TMEM63A: variants seen among roughly 807,000 people sequenced by gnomAD.
The protein encoded by TMEM63A is mechanosensitive cation channel TMEM63A.
A neutral mutation model predicts 100.6 loss-of-function variants in TMEM63A; 76 were observed. The ratio of observed to expected loss-of-function variants is 0.76; its 90% CI spans 0.63 to 0.91. TMEM63A has a LOEUF of 0.91. Among genes scored for constraint, TMEM63A ranks in the 40% least tolerant of loss-of-function variants. TMEM63A has a pLI of 0.00. For synonymous variants in TMEM63A, 401 were observed against 401.1 expected (o/e 1.00, Z 0.00); for missense variants, 876 against 1,008.8 (o/e 0.87, Z 1.78).
At chr1:225,880,101 G>C (rs1193690490) in intron 1 of TMEM63A, among the ~76,000 whole-genome samples, 1 of 152,118 alleles carries the variant, frequency 6.6e-6, no homozygotes, top group African/African-American at 2.4e-5. Flanking sequence ...TTCCCAGGGT[G>C]GTTTGACAAA....
chr1:225,856,327 GTTTTTT>G (rs71574544), intron 17 of TMEM63A, among the ~76,000 whole-genome samples: 1 of 108,052 alleles, frequency 9.3e-6, no homozygotes, highest in African/African-American at 3.6e-5. Context: ...TTTCAAGCTG[GTTTTTT>G]TTTTTTTTTT....
Position 225,862,284 on chromosome 1 carries a change from C to T in TMEM63A, c.1019G>A (p.Arg340His), listed in dbSNP as rs1238341255. 10 of 1,614,026 alleles carry T rather than the reference C, an allele frequency of 6.2e-6. No homozygotes were observed. In the African/African-American group the frequency reaches 6.7e-5, roughly 11 times the overall value. ...TCCCAGGGGCTGGTCCTGGACGTGG[C>T]GTTCTTCCTCTGTGATCCTCTCCAG... ...RLLERITEEE[R>H]HVQDQPLGMA... Residue 340 changes from arginine to histidine, a missense_variant, in exon 13 of 25, where the codon CGC (arginine) becomes CAC (histidine). Physicochemically the swap from Arg to His is conservative, Grantham distance 29. Transcript: ENST00000366835. The surrounding 1 kb of genome is among the most constrained non-coding windows in gnomAD (Gnocchi z 5.1).
downstream of TMEM63A, among the ~76,000 whole-genome samples, chr1:225,842,205 C>T (rs141484386): frequency 2.0e-5 from 3 of 152,330 alleles, no homozygotes; most frequent in African/African-American, 4.8e-5. Flanking sequence ...GTTAAGGAAG[C>T]GAGGCATGTG....
intron 3 of TMEM63A, among the ~76,000 whole-genome samples, chr1:225,874,611 C>T (rs940662182): frequency 1.3e-5 from 2 of 152,250 alleles, no homozygotes; most frequent in African/African-American, 4.8e-5. Context: ...GCGCTGACGC[C>T]AAGCTTGCCT....
rs551063830 is a variant in TMEM63A at position 225,862,919 on chromosome 1, G to A, written c.747-68C>T. The A allele has an allele frequency of 5.6e-6, 8 of 1,434,808 alleles. No homozygotes were observed. In the South Asian group the frequency reaches 7.2e-5, roughly 13 times the overall value. The allele number at this position is 1,434,808 out of a possible 1,614,324, so 88.9% of individuals were successfully genotyped here. On this transcript the variant is annotated intron_variant, in intron 10 of 24. Coordinates refer to ENST00000366835, the MANE Select transcript of TMEM63A (RefSeq NM_014698.3). This position sits in a 1 kb window ranked among gnomAD's most constrained non-coding sequence, Gnocchi z 5.1. The stretch of plus-strand genomic sequence containing the variant: ...AGAAAACACCCCAAGCAGGAGACGT[G>A]CCCACGGATCCAAGGGAAAGGATGG...
intron 17 of TMEM63A, 100 bp from the exon 18 acceptor site, chr1:225,856,040 C>G: frequency 7.9e-7 from 1 of 1,260,936 alleles, no homozygotes; most frequent in Non-Finnish European, 1.1e-6. Flanking sequence ...GGCCAAAGCT[C>G]GAGATTGACT....
Position 225,862,519 on chromosome 1 carries a change from C to A in TMEM63A, c.887G>T (p.Arg296Leu). 6.2e-7 allele frequency: 1 copy of A among 1,614,090 alleles called. No individual in the cohort carries two copies. The highest frequency in any genetic ancestry group is 8.5e-7 in the Non-Finnish European group (1 of 1,179,994). The change falls in exon 12 of 25, where the codon CGG (arginine) becomes CTG (leucine). Residue 296 changes from arginine (R) to leucine (L), a missense_variant. Physicochemically the swap from Arg to Leu is moderately radical, Grantham distance 102. Transcript: ENST00000366835. This position sits in a 1 kb window ranked among gnomAD's most constrained non-coding sequence, Gnocchi z 5.1. ...YTNLQVKTGQ[R>L]TLINPKPCGQ... ...ACAGGGCTTGGGGTTGATGAGGGTCCGCTGGCCTGTCTTCACCTGCAGGTT... is the reference window on the plus strand; with the variant it reads ...ACAGGGCTTGGGGTTGATGAGGGTCAGCTGGCCTGTCTTCACCTGCAGGTT...
intron 10 of TMEM63A, among the ~76,000 whole-genome samples, chr1:225,863,538 G>T (rs1670048672): frequency 6.6e-6 from 1 of 152,114 alleles, no homozygotes. Context: ...TCCTATTCAG[G>T]TAGCCTTTTT....
chr1:225,875,578 T>C (rs1670740421), intron 3 of TMEM63A, among the ~76,000 whole-genome samples: 1 of 152,180 alleles, frequency 6.6e-6, no homozygotes, highest in African/African-American at 2.4e-5. Context: ...GTTGGTGACA[T>C]ATTTTCAAAG....
intron 8 of TMEM63A, 84 bp from the exon 9 acceptor site, chr1:225,866,766 T>C: frequency 2.4e-6 from 3 of 1,272,644 alleles, no homozygotes; most frequent in Middle Eastern, 2.1e-4. Flanking sequence ...TTACCCTCAG[T>C]GGGCACTGAA....
At position 225,852,761 on chromosome 1, in the gene TMEM63A, G is replaced by C; in HGVS notation, c.1806C>G (p.Ala602=). ...ACATGGCTCCAAACTCGTACTGGAA[G>C]GCCTGGTTCTGGGAGGAGGAGGTGG... is the stretch of plus-strand genomic sequence containing the variant. ...ADRRNVKQNQ[A]FQYEFGAMYA... The change falls in exon 20 of 25, where the codon GCC becomes GCG. Residue 602 remains alanine, a synonymous_variant. Coordinates refer to ENST00000366835, the MANE Select transcript of TMEM63A (RefSeq NM_014698.3). 1.2e-6 allele frequency: 2 copies of C among 1,614,054 alleles called. No individual in the cohort carries two copies. The highest frequency in any genetic ancestry group is 1.7e-6 in the Non-Finnish European group (2 of 1,180,006).
Position 225,874,268 on chromosome 1 carries a change from C to T in TMEM63A, c.266+20G>A, listed in dbSNP as rs200252388. 221 of 1,611,724 alleles carry T rather than the reference C, an allele frequency of 1.4e-4. No homozygotes were observed. In the African/African-American group the frequency reaches 2.4e-3, roughly 18 times the overall value. ...CACGTACGCACACGCATGCTCACAG[C>T]CTAGGCGATATGTCTTTACCTGTCT... On this transcript the variant is annotated intron_variant, in intron 4 of 24. Coordinates refer to ENST00000366835, the MANE Select transcript of TMEM63A (RefSeq NM_014698.3).
In TMEM63A at chr1:225,867,153, C is replaced by A; in HGVS notation, c.525G>T (p.Pro175=). The change falls in exon 8 of 25, where the codon CCG becomes CCT. Residue 175 remains proline, a synonymous_variant. Coordinates refer to ENST00000366835, the MANE Select transcript of TMEM63A (RefSeq NM_014698.3). The surrounding 1 kb of genome is among the most constrained non-coding windows in gnomAD (Gnocchi z 4.6). ...NLSGDLLDKD[P]YSFGRTTIAN... ...CTATTGTTGTCCTCCCAAAACTATA[C>A]GGGTCTTTGTCTGCAGAGAAGCACA... 6.2e-7 allele frequency: 1 copy of A among 1,614,130 alleles called. No individual in the cohort carries two copies. The highest frequency in any genetic ancestry group is 8.5e-7 in the Non-Finnish European group (1 of 1,180,016).
rs146601568 is a variant in TMEM63A, at chr1:225,860,978, C to T, written c.1105G>A (p.Ala369Thr). The part of the protein sequence containing the change: ...MATYILKDFN[A>T]CKCQSLQCKG... ...CACTGAAGGCTCTGACACTTGCAGGCATTGAAATCTTTCAGGATGCTGCAA... is the reference window on the plus strand; with the variant it reads ...CACTGAAGGCTCTGACACTTGCAGGTATTGAAATCTTTCAGGATGCTGCAA... The change falls in exon 14 of 25, where the codon GCC becomes ACC. Residue 369 changes from alanine to threonine, a missense_variant. Coordinates refer to ENST00000366835, the MANE Select transcript of TMEM63A (RefSeq NM_014698.3). 8.1e-6 allele frequency: 13 copies of T among 1,611,078 alleles called. No homozygotes were observed. The African/African-American group carries it at 1.6e-4, about 20-fold the overall frequency.
intron 18 of TMEM63A, among the ~76,000 whole-genome samples, chr1:225,854,533 T>G (rs1669515497): frequency 6.6e-6 from 1 of 152,182 alleles, no homozygotes. Flanking sequence ...TGAGGTTTTT[T>G]GCCAAAACAA....
intron 6 of TMEM63A, 49 bp downstream of exon 6, chr1:225,871,027 A>G: frequency 6.2e-7 from 1 of 1,608,982 alleles, no homozygotes; most frequent in Non-Finnish European, 8.5e-7. Flanking sequence ...CAAACACCCA[A>G]AAAAACCAGC....
Position 225,862,204 on chromosome 1 carries a change from G to A in TMEM63A, c.1085+14C>T, listed in dbSNP as rs374122456. On this transcript the variant is annotated intron_variant, in intron 13 of 24. Transcript: ENST00000366835. This position sits in a 1 kb window ranked among gnomAD's most constrained non-coding sequence, Gnocchi z 5.1. ...GAGTCAGCCAAGAAGGGGTCTGGAT[G>A]TGCCTACACTCACTAGGTGGCCATG... 3.7e-6 allele frequency: 6 copies of A among 1,613,254 alleles called. No individual in the cohort carries two copies. In the African/African-American group the frequency reaches 5.3e-5, roughly 14 times the overall value.
At position 225,865,883 on chromosome 1, in the gene TMEM63A, C is replaced by A. The variant is rs1369246041; in HGVS notation, c.746+14G>T. On this transcript the variant is annotated intron_variant, in intron 10 of 24. Coordinates refer to ENST00000366835, the MANE Select transcript of TMEM63A (RefSeq NM_014698.3). This position sits in a 1 kb window ranked among gnomAD's most constrained non-coding sequence, Gnocchi z 4.6. The stretch of plus-strand genomic sequence containing the variant: ...TGGAGGGGGCTCAGCTCCCCTCCCA[C>A]CCCACCTGCTTACCGGAAGTGGCTC... 3 of 1,613,396 alleles carry A rather than the reference C, an allele frequency of 1.9e-6. No individual in the cohort carries two copies. The highest frequency in any genetic ancestry group is 2.5e-6 in the Non-Finnish European group (3 of 1,179,702).
At chr1:225,841,601 CTT>C (rs35827447), downstream of TMEM63A, among the ~76,000 whole-genome samples, 13 of 104,398 alleles carry the variant, frequency 1.2e-4, no homozygotes, top group Admixed American at 1.1e-4. Context: ...CTGTCCCAGC[CTT>C]TTTTTTTTTT....
Sources: allele counts gnomAD v4.1 joint callset (sites outside exome capture counted in the v4.1 genomes callset), GRCh38; gene constraint gnomAD v4.1.1; non-coding constraint Gnocchi (gnomAD v3.1); transcripts MANE v1.5; gene names NCBI Gene and HGNC (gene_info 2026-07-23, HGNC 2026-07-21).